Variants in ZFPM2 observed in about 807,000 individuals in gnomAD.
ZFPM2 encodes the protein zinc finger protein, FOG family member 2, also known as zinc finger protein ZFPM2.
ZFPM2 carries 20 observed loss-of-function variants against 98.6 expected under a neutral mutation model. That is an observed-to-expected ratio of 0.20 (90% CI 0.14 to 0.29). The LOEUF is 0.29. Ranked by LOEUF, ZFPM2 falls within the 10% of genes least tolerant of loss-of-function variation. The probability of loss-of-function intolerance (pLI) is 1.00; values close to 1 mark genes in which losing one functional copy is unlikely to be tolerated. For missense variants in ZFPM2, 1,310 were observed against 1,388.6 expected (o/e 0.94, Z 0.90); for synonymous variants, 518 against 502.7 (o/e 1.03, Z -0.41).
At chr8:105,533,159 C>T (rs1479472129) in intron 3 of ZFPM2, among the ~76,000 whole-genome samples, 1 of 152,120 alleles carries the variant, frequency 6.6e-6, no homozygotes, top group East Asian at 1.9e-4. Flanking sequence ...TAACCTGAAA[C>T]TGCTTTTCTT....
At chr8:105,605,491 G>A (rs1387060711) in intron 4 of ZFPM2, among the ~76,000 whole-genome samples, 1 of 152,046 alleles carries the variant, frequency 6.6e-6, no homozygotes, top group Non-Finnish European at 1.5e-5. Flanking sequence ...ACTGTTGATA[G>A]ATAATTCCAT....
At chr8:105,490,703 G>T (rs1367435977) in intron 3 of ZFPM2, among the ~76,000 whole-genome samples, 1 of 152,068 alleles carries the variant, frequency 6.6e-6, no homozygotes, top group African/African-American at 2.4e-5. Context: ...TCTTATATAT[G>T]TTTAAATTGT....
At chr8:105,701,430 A>G (rs1586207242) in intron 5 of ZFPM2, among the ~76,000 whole-genome samples, 1 of 152,340 alleles carries the variant, frequency 6.6e-6, no homozygotes, top group East Asian at 1.9e-4. Flanking sequence ...CATATGTAAT[A>G]TACAACCTAT....
At chr8:105,346,128 G>C (rs1488349696) in intron 1 of ZFPM2, among the ~76,000 whole-genome samples, 1 of 152,128 alleles carries the variant, frequency 6.6e-6, no homozygotes, top group Non-Finnish European at 1.5e-5. Flanking sequence ...GCTCACACCT[G>C]TAATTCCAGC....
intron 5 of ZFPM2, among the ~76,000 whole-genome samples, chr8:105,650,362 G>A (rs866256642): frequency 1.3e-5 from 2 of 151,868 alleles, no homozygotes; most frequent in Non-Finnish European, 2.9e-5. Flanking sequence ...AGGGTTTTTC[G>A]TGTCTCTATC....
chr8:105,430,257 C>T (rs1337456313), intron 2 of ZFPM2, among the ~76,000 whole-genome samples: 1 of 152,072 alleles, frequency 6.6e-6, no homozygotes, highest in Non-Finnish European at 1.5e-5. Flanking sequence ...TAAGGAGGCC[C>T]CCTGAATTGT....
chr8:105,502,652 A>T (rs182242245), intron 3 of ZFPM2, among the ~76,000 whole-genome samples: 6 of 152,336 alleles, frequency 3.9e-5, no homozygotes, highest in South Asian at 2.1e-4. Flanking sequence ...TGAAGAGCAA[A>T]TTGTGCTAGG....
chr8:105,637,203 G>A (rs1417206941), intron 5 of ZFPM2, among the ~76,000 whole-genome samples: 1 of 152,120 alleles, frequency 6.6e-6, no homozygotes, highest in Non-Finnish European at 1.5e-5. Flanking sequence ...TTCAATCTAC[G>A]TCTTGACAGC....
intron 1 of ZFPM2, among the ~76,000 whole-genome samples, chr8:105,347,661 A>G (rs931042425): frequency 2.0e-5 from 3 of 152,164 alleles, no homozygotes; most frequent in Admixed American, 2.0e-4. Context: ...ATTTACAGAC[A>G]TGGCATATGT....
intron 4 of ZFPM2, among the ~76,000 whole-genome samples, chr8:105,614,749 C>G (rs1319271469): frequency 1.3e-5 from 2 of 152,016 alleles, no homozygotes; most frequent in Middle Eastern, 3.2e-3. Context: ...CTCCTTCCCC[C>G]CAAATCTTTG....
At chr8:105,459,778 C>T (rs1007516978) in intron 3 of ZFPM2, among the ~76,000 whole-genome samples, 4 of 152,142 alleles carry the variant, frequency 2.6e-5, no homozygotes, top group African/African-American at 9.7e-5. Flanking sequence ...ACAATTACCT[C>T]CTTAAAGGCT....
chr8:105,623,063 T>A (rs759902532), intron 4 of ZFPM2, among the ~76,000 whole-genome samples: 3 of 152,156 alleles, frequency 2.0e-5, no homozygotes, highest in Non-Finnish European at 4.4e-5. Context: ...TACTTAAACA[T>A]TTATAATATT....
At position 105,803,532 on chromosome 8, in the gene ZFPM2, C is replaced by G; in HGVS notation, c.3450C>G (p.Val1150=). The change falls in exon 8 of 8, where the codon GTC becomes GTG. Residue 1150 remains valine, a synonymous_variant. Transcript: ENST00000407775. ...GCTCATCACATGCAGCAGAACATGT[C>G]AAATGAACTAACTAAACATCAGTCA... ...FYCSSHAAEH[V]K 11 of 1,605,606 alleles carry G rather than the reference C, an allele frequency of 6.9e-6. No individual in the cohort carries two copies. The highest frequency in any genetic ancestry group is 9.4e-6 in the Non-Finnish European group (11 of 1,175,480).
chr8:105,602,439 C>T (rs1285962666), intron 4 of ZFPM2, among the ~76,000 whole-genome samples: 11 of 151,934 alleles, frequency 7.2e-5, no homozygotes, highest in Non-Finnish European at 1.0e-4. Context: ...TAAATGAAGC[C>T]GAATTATAAC....
At chr8:105,768,026 A>G (rs780263604) in intron 5 of ZFPM2, among the ~76,000 whole-genome samples, 9 of 151,758 alleles carry the variant, frequency 5.9e-5, no homozygotes, top group Non-Finnish European at 8.8e-5. Context: ...TAAATGTGCA[A>G]TTGCATATGT....
chr8:105,613,254 G>A (rs1816342906), intron 4 of ZFPM2, among the ~76,000 whole-genome samples: 1 of 152,104 alleles, frequency 6.6e-6, no homozygotes, highest in Non-Finnish European at 1.5e-5. Flanking sequence ...GGTGAAAAGG[G>A]AGAGGAGAGT....
intron 5 of ZFPM2, among the ~76,000 whole-genome samples, chr8:105,781,088 C>T (rs1367521612): frequency 6.6e-6 from 1 of 152,148 alleles, no homozygotes. Context: ...CCAAGCCCTC[C>T]AGAGAGCTTC....
At chr8:105,666,401 T>G (rs934465118) in intron 5 of ZFPM2, among the ~76,000 whole-genome samples, 7 of 152,210 alleles carry the variant, frequency 4.6e-5, no homozygotes, top group African/African-American at 1.7e-4. Flanking sequence ...AGTGATTTTG[T>G]GTGAATGCTC....
At chr8:105,673,262 A>ATT (rs368759700) in intron 5 of ZFPM2, among the ~76,000 whole-genome samples, 10 of 107,464 alleles carry the variant, frequency 9.3e-5, no homozygotes, top group Admixed American at 3.3e-4. Context: ...ATCAAGTCTC[A>ATT]TTTTTTTTTT....
Sources: gnomAD v4.1 joint callset for allele counts (sites outside exome capture counted in the v4.1 genomes callset) on GRCh38, gnomAD v4.1.1 for gene constraint, MANE v1.5 for transcripts, NCBI Gene and HGNC (gene_info 2026-07-23, HGNC 2026-07-21) for gene names.